TMCO4: variants seen among roughly 807,000 people sequenced by gnomAD.
TMCO4 encodes the protein transmembrane and coiled-coil domain-containing protein 4.
In TMCO4, 58 loss-of-function variants were observed where a neutral mutation model predicts 64.7. That is an observed-to-expected ratio of 0.90 (90% CI 0.73 to 1.12). The LOEUF (loss-of-function observed/expected upper bound fraction) is 1.12. Ranked by LOEUF, TMCO4 falls within the 50% of genes most tolerant of loss-of-function variation. The pLI, the probability that TMCO4 is intolerant of heterozygous loss-of-function variation, is 0.00. For missense variants in TMCO4, 780 were observed against 825.9 expected (o/e 0.94, Z 0.68); for synonymous variants, 325 against 346.1 (o/e 0.94, Z 0.68).
chr1:19,709,286 CGG>C (rs59600503), intron 13 of TMCO4, among the ~76,000 whole-genome samples: 2,579 of 125,890 alleles, frequency 0.02, 55 homozygotes, highest in Non-Finnish European at 0.023. Flanking sequence ...AACATCCCGG[CGG>C]GGGGGGGGGA....
chr1:19,797,660 G>A (rs887020270), intron 2 of TMCO4, among the ~76,000 whole-genome samples: 1 of 152,068 alleles, frequency 6.6e-6, no homozygotes, highest in African/African-American at 2.4e-5. Context: ...CACGAGGTCA[G>A]GAGTTCAAGA....
At position 19,739,398 on chromosome 1, in the gene TMCO4, G is replaced by C. The variant is rs1265868531; in HGVS notation, c.1179+426C>G. On this transcript the variant is annotated intron_variant, in intron 12 of 15. Transcript: ENST00000294543. ...GCCACCAGCATGTGGGAATTCCATTGGTGGCCAGCTGAAGCACCTGGTCTC... is the reference window on the plus strand; with the variant it reads ...GCCACCAGCATGTGGGAATTCCATTCGTGGCCAGCTGAAGCACCTGGTCTC... 2.0e-5 allele frequency among the ~76,000 whole-genome samples: 3 copies of C among 152,196 alleles called. No homozygotes were observed. In the East Asian group the frequency reaches 5.8e-4, roughly 29 times the overall value.
chr1:19,720,486 T>C (rs2095377299), intron 13 of TMCO4, among the ~76,000 whole-genome samples: 1 of 152,172 alleles, frequency 6.6e-6, no homozygotes, highest in Admixed American at 6.5e-5. Context: ...CTCCCTTGCA[T>C]TGGATCTTCC....
intron 1 of TMCO4, among the ~76,000 whole-genome samples, chr1:19,798,509 C>T (rs932599525): frequency 6.6e-6 from 1 of 152,200 alleles, no homozygotes; most frequent in Non-Finnish European, 1.5e-5. Flanking sequence ...TGCACTGGGC[C>T]TTTTGTGGCT....
chr1:19,779,351 C>T (rs561100590), intron 4 of TMCO4, among the ~76,000 whole-genome samples: 1 of 152,202 alleles, frequency 6.6e-6, no homozygotes, highest in Non-Finnish European at 1.5e-5. Context: ...AAAAGTCTGT[C>T]CCATCTGTGT....
intron 14 of TMCO4, among the ~76,000 whole-genome samples, chr1:19,697,019 AGG>A (rs1470297390): frequency 6.6e-6 from 1 of 152,112 alleles, no homozygotes; most frequent in Non-Finnish European, 1.5e-5. Flanking sequence ...CAGTCTCCTC[AGG>A]TTATCTTAGC....
rs1412455671 is a variant in TMCO4 at position 19,732,581 on chromosome 1, C to T, written c.1264+4791G>A. 6.6e-6 allele frequency among the ~76,000 whole-genome samples: 1 copy of T among 152,114 alleles called. No individual in the cohort carries two copies. The highest frequency in any genetic ancestry group is 1.5e-5 in the Non-Finnish European group (1 of 68,020). On this transcript the variant is annotated intron_variant, in intron 13 of 15. Transcript: ENST00000294543. The surrounding 1 kb of genome is among the most constrained non-coding windows in gnomAD (Gnocchi z 4.8). ...GTTATGAAATAAGGAGGGAAACTAT[C>T]AGGCTGATTAATAACAAAGACAGTG...
At chr1:19,697,312 C>T (rs1462017192) in intron 14 of TMCO4, among the ~76,000 whole-genome samples, 2 of 152,204 alleles carry the variant, frequency 1.3e-5, no homozygotes, top group South Asian at 2.1e-4. Context: ...GGCTGGAGTG[C>T]AGTGGCACGA....
At chr1:19,787,690 CAAACCAAAACTTCA>C (rs769939013) in intron 2 of TMCO4, among the ~76,000 whole-genome samples, 8 of 152,330 alleles carry the variant, frequency 5.3e-5, no homozygotes, top group Non-Finnish European at 8.8e-5. Flanking sequence ...ACCGCAACTT[CAAACCAAAACTTCA>C]AAACCAAAAC....
chr1:19,750,350 A>T (rs1184313170), intron 7 of TMCO4: 4 of 152,184 alleles, frequency 2.6e-5, no homozygotes, highest in African/African-American at 7.2e-5. Context: ...ATCTTGATTC[A>T]ACAAACACGG....
At chr1:19,708,522 CATTCTT>C (rs1490655476) in intron 13 of TMCO4, among the ~76,000 whole-genome samples, 6 of 152,082 alleles carry the variant, frequency 3.9e-5, no homozygotes, top group Non-Finnish European at 8.8e-5. Context: ...TGAAACTAAA[CATTCTT>C]AAAATGCACA....
intron 2 of TMCO4, among the ~76,000 whole-genome samples, chr1:19,796,333 C>T (rs2044306288): frequency 6.6e-6 from 1 of 152,132 alleles, no homozygotes; most frequent in African/African-American, 2.4e-5. Context: ...TGGATTTGTC[C>T]AGCGAATGTG....
At chr1:19,746,240 C>A (rs571890398) in intron 9 of TMCO4, among the ~76,000 whole-genome samples, 1 of 152,316 alleles carries the variant, frequency 6.6e-6, no homozygotes, top group African/African-American at 2.4e-5. Context: ...TCAGGAACTA[C>A]ACACAAGGTG....
chr1:19,690,352 G>C (rs2095182974), intron 15 of TMCO4, among the ~76,000 whole-genome samples: 2 of 152,180 alleles, frequency 1.3e-5, no homozygotes, highest in African/African-American at 4.8e-5. Context: ...CCGTCTATTG[G>C]GCCGTCAATG....
At chr1:19,694,960 G>T (rs950526590) in intron 14 of TMCO4, among the ~76,000 whole-genome samples, 1 of 152,232 alleles carries the variant, frequency 6.6e-6, no homozygotes, top group African/African-American at 2.4e-5. Flanking sequence ...AAGGTGGCTT[G>T]TCCAGGGCTC....
At chr1:19,764,918 C>T (rs968725461) in intron 6 of TMCO4, among the ~76,000 whole-genome samples, 5 of 150,892 alleles carry the variant, frequency 3.3e-5, no homozygotes, top group Non-Finnish European at 7.4e-5. Context: ...TGCATTTTAC[C>T]ACAACCTAAG....
intron 6 of TMCO4, among the ~76,000 whole-genome samples, chr1:19,768,818 G>A (rs960529305): frequency 1.3e-5 from 2 of 148,870 alleles, no homozygotes; most frequent in African/African-American, 4.9e-5. Context: ...CAGCGGGTCT[G>A]GGCGGGGGCT....
chr1:19,795,953 C>T (rs12144788), intron 2 of TMCO4, among the ~76,000 whole-genome samples: 6,120 of 152,324 alleles, frequency 0.04, 259 homozygotes, highest in African/African-American at 0.11. Flanking sequence ...CCAGCTCATC[C>T]TCAGCTAAAC....
intron 13 of TMCO4, among the ~76,000 whole-genome samples, chr1:19,708,765 A>G (rs138585809): frequency 2.2e-4 from 33 of 152,298 alleles, no homozygotes; most frequent in African/African-American, 7.7e-4. Flanking sequence ...CTGGGAAGGC[A>G]GCACCTCTCA....
Sources: gnomAD v4.1 joint callset for allele counts (sites outside exome capture counted in the v4.1 genomes callset) on GRCh38, gnomAD v4.1.1 for gene constraint, Gnocchi (gnomAD v3.1) non-coding constraint, MANE v1.5 for transcripts, NCBI Gene and HGNC (gene_info 2026-07-23, HGNC 2026-07-21) for gene names.